Variants in CDH18 observed in about 807,000 individuals in gnomAD.
CDH18 encodes cadherin 18, also known as cadherin-18.
In CDH18, 31 loss-of-function variants were observed where a neutral mutation model predicts 67.9. The ratio of observed to expected loss-of-function variants is 0.46; its 90% CI spans 0.34 to 0.62. The LOEUF (loss-of-function observed/expected upper bound fraction) is 0.62. Ranked by LOEUF, CDH18 falls within the 20% of genes least tolerant of loss-of-function variation. The pLI is 0.01. For synonymous variants in CDH18, 362 were observed against 347.2 expected (o/e 1.04, Z -0.48); for missense variants, 890 against 975.5 (o/e 0.91, Z 1.17).
chr5:19,769,469 G>A (rs916873209), intron 3 of CDH18, among the ~76,000 whole-genome samples: 21 of 152,014 alleles, frequency 1.4e-4, no homozygotes, highest in African/African-American at 5.1e-4. Context: ...AAAAATGATG[G>A]AGAAATTACA....
intron 3 of CDH18, among the ~76,000 whole-genome samples, chr5:19,830,977 C>G (rs1052499829): frequency 6.6e-6 from 1 of 151,942 alleles, no homozygotes; most frequent in African/African-American, 2.4e-5. Flanking sequence ...TAAGTGGTAG[C>G]TGAACTTTGA....
In CDH18 at chr5:20,524,613, T is replaced by A. The variant is rs180895704; in HGVS notation, c.-580+50849A>T. Among the ~76,000 whole-genome samples, 9 of 152,330 alleles carry A rather than the reference T, an allele frequency of 5.9e-5. No individual in the cohort carries two copies. The East Asian group carries it at 1.4e-3, about 23-fold the overall frequency. ...GTAGGTATATGTACATATCAATATATCTGCATTTAGGAGGCTTACCGATAA... is the reference window on the plus strand; with the variant it reads ...GTAGGTATATGTACATATCAATATAACTGCATTTAGGAGGCTTACCGATAA... On this transcript the variant is annotated intron_variant, in intron 1 of 14. Coordinates refer to the CDH18 transcript ENST00000507958.
At chr5:20,311,101 AAAAC>A (rs772564167) in intron 1 of CDH18, among the ~76,000 whole-genome samples, 7 of 152,144 alleles carry the variant, frequency 4.6e-5, no homozygotes, top group South Asian at 2.1e-4. Context: ...AAACAAAACA[AAAAC>A]AAACAAAAAA....
chr5:19,921,530 C>CA (rs1291902430), intron 2 of CDH18, among the ~76,000 whole-genome samples: 15,213 of 74,618 alleles, frequency 0.2, 1,807 homozygotes, highest in African/African-American at 0.41. Context: ...GACTCCGTCT[C>CA]AAAAAAAAAA....
At chr5:19,689,713 A>G (rs867676870) in intron 5 of CDH18, among the ~76,000 whole-genome samples, 2 of 151,904 alleles carry the variant, frequency 1.3e-5, no homozygotes, top group Non-Finnish European at 2.9e-5. Flanking sequence ...GAAACAAAAG[A>G]TATGCAAAAC....
At chr5:20,365,942 C>T (rs71610656) in intron 1 of CDH18, among the ~76,000 whole-genome samples, 11,469 of 151,990 alleles carry the variant, frequency 0.075, 567 homozygotes, top group Non-Finnish European at 0.11. Flanking sequence ...CCATTCATTG[C>T]CTGGTCTATA....
chr5:20,032,812 CT>C (rs1052690701), intron 2 of CDH18, among the ~76,000 whole-genome samples: 3 of 151,824 alleles, frequency 2.0e-5, no homozygotes, highest in Non-Finnish European at 4.4e-5. Flanking sequence ...GTTGAAACAG[CT>C]TTTTAAAACA....
chr5:19,828,125 G>T (rs1780608497), intron 3 of CDH18, among the ~76,000 whole-genome samples: 2 of 152,116 alleles, frequency 1.3e-5, no homozygotes, highest in South Asian at 4.1e-4. Context: ...CAACCTAAAA[G>T]AAATGAATAA....
chr5:19,505,983 C>A (rs1341983303), intron 10 of CDH18, among the ~76,000 whole-genome samples: 2 of 152,054 alleles, frequency 1.3e-5, no homozygotes, highest in African/African-American at 4.8e-5. Flanking sequence ...TTAATTATTG[C>A]CTCAATTCCA....
chr5:20,428,982 T>G (rs1216248348), intron 1 of CDH18, among the ~76,000 whole-genome samples: 1 of 152,190 alleles, frequency 6.6e-6, no homozygotes, highest in Non-Finnish European at 1.5e-5. Flanking sequence ...TAATCTTCTA[T>G]CATTTCCCAA....
intron 2 of CDH18, among the ~76,000 whole-genome samples, chr5:20,147,117 CCT>C (rs1477855874): frequency 1.3e-5 from 2 of 151,958 alleles, no homozygotes; most frequent in African/African-American, 4.8e-5. Flanking sequence ...ATGGAGAATT[CCT>C]CTGACTCATT....
chr5:19,649,640 C>T (rs1580696572), intron 5 of CDH18, among the ~76,000 whole-genome samples: 1 of 151,960 alleles, frequency 6.6e-6, no homozygotes, highest in African/African-American at 2.4e-5. Context: ...GTCAATATAT[C>T]AAGGTAAAAT....
At chr5:20,133,051 A>G (rs1181532294) in intron 2 of CDH18, among the ~76,000 whole-genome samples, 1 of 152,054 alleles carries the variant, frequency 6.6e-6, no homozygotes. Context: ...CTCTTCTTAT[A>G]TTATTTTCCT....
At chr5:19,958,808 C>T (rs979133218) in intron 2 of CDH18, among the ~76,000 whole-genome samples, 12 of 151,996 alleles carry the variant, frequency 7.9e-5, no homozygotes, top group African/African-American at 2.9e-4. Context: ...CGTGTTGCAT[C>T]GCATTTTATG....
At chr5:19,655,313 A>T (rs1561550406) in intron 5 of CDH18, among the ~76,000 whole-genome samples, 2 of 152,100 alleles carry the variant, frequency 1.3e-5, no homozygotes, top group Non-Finnish European at 2.9e-5. Context: ...TTGCATTTGA[A>T]ATCATCTTTT....
chr5:20,217,750 G>A (rs752506717), intron 2 of CDH18, among the ~76,000 whole-genome samples: 6 of 151,612 alleles, frequency 4.0e-5, no homozygotes, highest in Non-Finnish European at 5.9e-5. Flanking sequence ...TTTAAAAAAA[G>A]ACCAAATGAT....
At chr5:19,995,994 T>A (rs924493004) in intron 2 of CDH18, among the ~76,000 whole-genome samples, 3 of 152,062 alleles carry the variant, frequency 2.0e-5, no homozygotes, top group African/African-American at 7.2e-5. Context: ...GACACAATAT[T>A]TACAGTACCA....
chr5:19,769,321 T>A (rs1217689542), intron 3 of CDH18, among the ~76,000 whole-genome samples: 1 of 152,066 alleles, frequency 6.6e-6, no homozygotes, highest in Non-Finnish European at 1.5e-5. Flanking sequence ...GAGAAAAGAA[T>A]CTTGTTACCT....
chr5:19,960,391 T>C (rs901289934), intron 2 of CDH18, among the ~76,000 whole-genome samples: 1 of 151,562 alleles, frequency 6.6e-6, no homozygotes. Flanking sequence ...CTATGCTAGC[T>C]CATGATCATC....
Sources: allele counts gnomAD v4.1 joint callset (sites outside exome capture counted in the v4.1 genomes callset), GRCh38; gene constraint gnomAD v4.1.1; transcripts MANE v1.5; gene names NCBI Gene and HGNC (gene_info 2026-07-23, HGNC 2026-07-21).